ZBTB20: variants seen among roughly 807,000 people sequenced by gnomAD.
ZBTB20 encodes the protein zinc finger and BTB domain containing 20.
A neutral mutation model predicts 56.9 loss-of-function variants in ZBTB20; 9 were observed. The ratio of observed to expected loss-of-function variants is 0.16; its 90% CI spans 0.10 to 0.28. The LOEUF (loss-of-function observed/expected upper bound fraction) is 0.28, where lower values mean the gene tolerates loss of function less well. Ranked by LOEUF, ZBTB20 falls within the 10% of genes least tolerant of loss-of-function variation. The pLI is 1.00. For missense variants in ZBTB20, 655 were observed against 1,003.0 expected (o/e 0.65, Z 4.69); for synonymous variants, 417 against 420.7 (o/e 0.99, Z 0.11).
intron 7 of ZBTB20, among the ~76,000 whole-genome samples, chr3:114,435,348 C>T (rs549960285): frequency 6.6e-6 from 1 of 152,266 alleles, no homozygotes; most frequent in Non-Finnish European, 1.5e-5. Flanking sequence ...GATTTCTTTA[C>T]ATATGTTATC....
chr3:114,827,012 T>C (rs1456847880), intron 4 of ZBTB20, among the ~76,000 whole-genome samples: 1 of 151,704 alleles, frequency 6.6e-6, no homozygotes, highest in Non-Finnish European at 1.5e-5. Context: ...AGGGTTTTTT[T>C]CCCTAAAGTG....
Position 115,111,206 on chromosome 3 carries a change from A to G in ZBTB20, c.-703+36013T>C, listed in dbSNP as rs1021295857. On this transcript the variant is annotated intron_variant, in intron 1 of 11. Transcript: ENST00000675478. ...TTCCATAACACAAATAATACTCCCA[A>G]CATCACTTAAACCTATGTGAAATTT... Among the ~76,000 whole-genome samples the G allele has an allele frequency of 8.5e-5, 13 of 152,138 alleles. No homozygotes were observed. The East Asian group carries it at 2.3e-3, about 27-fold the overall frequency.
intron 2 of ZBTB20, among the ~76,000 whole-genome samples, chr3:115,067,284 C>T (rs974504619): frequency 6.6e-6 from 1 of 151,948 alleles, no homozygotes; most frequent in African/African-American, 2.4e-5. Context: ...AATAATATCA[C>T]ACCCACAAAC....
At chr3:114,346,449 T>C (rs1480269134) in intron 11 of ZBTB20, among the ~76,000 whole-genome samples, 2 of 147,634 alleles carry the variant, frequency 1.4e-5, no homozygotes, top group African/African-American at 2.7e-5. Context: ...CTCAAAGAAA[T>C]AGACAGTTGT....
intron 6 of ZBTB20, among the ~76,000 whole-genome samples, chr3:114,512,961 AG>A: frequency 6.6e-6 from 1 of 152,162 alleles, no homozygotes; most frequent in Non-Finnish European, 1.5e-5. Flanking sequence ...CAGTTAACCA[AG>A]TGCATATTTC....
chr3:114,823,605 C>T (rs1365859336), intron 4 of ZBTB20, among the ~76,000 whole-genome samples: 2 of 151,904 alleles, frequency 1.3e-5, no homozygotes, highest in African/African-American at 2.4e-5. Flanking sequence ...ATAGACTTGA[C>T]CATCAAATAA....
At chr3:115,018,210 T>A (rs1268666623) in intron 2 of ZBTB20, among the ~76,000 whole-genome samples, 3 of 151,376 alleles carry the variant, frequency 2.0e-5, no homozygotes, top group Non-Finnish European at 3.0e-5. Flanking sequence ...AAAACAGTGA[T>A]TAGTGTGTTT....
intron 4 of ZBTB20, among the ~76,000 whole-genome samples, chr3:114,867,170 G>C (rs543329999): frequency 6.6e-6 from 1 of 152,204 alleles, no homozygotes; most frequent in African/African-American, 2.4e-5. Flanking sequence ...AGAGGAGCAG[G>C]GGTAGGGGCA....
At chr3:114,416,633 G>A (rs1287469165) in intron 7 of ZBTB20, among the ~76,000 whole-genome samples, 1 of 152,044 alleles carries the variant, frequency 6.6e-6, no homozygotes, top group Non-Finnish European at 1.5e-5. Context: ...TTGGTCAGCA[G>A]CGACAGGTAA....
intron 2 of ZBTB20, among the ~76,000 whole-genome samples, chr3:114,988,161 T>A (rs1185742912): frequency 6.7e-6 from 1 of 150,286 alleles, no homozygotes; most frequent in Non-Finnish European, 1.5e-5. Flanking sequence ...GTTTGCTACA[T>A]ATGTATACAT....
At chr3:114,726,504 C>G (rs2065291163) in intron 5 of ZBTB20, among the ~76,000 whole-genome samples, 1 of 152,144 alleles carries the variant, frequency 6.6e-6, no homozygotes, top group South Asian at 2.1e-4. Context: ...TTGCTGTGTT[C>G]CACCTCAAAG....
At chr3:114,348,573 G>A in intron 11 of ZBTB20, among the ~76,000 whole-genome samples, 1 of 152,194 alleles carries the variant, frequency 6.6e-6, no homozygotes, top group East Asian at 1.9e-4. Flanking sequence ...ATTTGGAAGT[G>A]TGAATACTGT....
At chr3:114,777,740 AC>A (rs2069715435) in intron 5 of ZBTB20, among the ~76,000 whole-genome samples, 1 of 152,134 alleles carries the variant, frequency 6.6e-6, no homozygotes, top group Non-Finnish European at 1.5e-5. Flanking sequence ...CCATCCCATT[AC>A]TGGGTATATA....
intron 7 of ZBTB20, among the ~76,000 whole-genome samples, chr3:114,465,899 T>C (rs879305972): frequency 1.3e-5 from 2 of 152,174 alleles, no homozygotes; most frequent in African/African-American, 2.4e-5. Flanking sequence ...ATCTCTTCTC[T>C]TATACATCCT....
At chr3:114,961,895 C>T (rs2077467769) in intron 3 of ZBTB20, among the ~76,000 whole-genome samples, 2 of 152,072 alleles carry the variant, frequency 1.3e-5, no homozygotes, top group Non-Finnish European at 2.9e-5. Flanking sequence ...ACGATTGTTA[C>T]AAGAACAGAG....
chr3:115,111,049 A>T (rs1046800949), intron 1 of ZBTB20, among the ~76,000 whole-genome samples: 8 of 146,086 alleles, frequency 5.5e-5, no homozygotes, highest in South Asian at 4.3e-4. Flanking sequence ...AATAAATAAA[A>T]ATAAAACAAA....
At chr3:114,789,163 A>C (rs2070764337) in intron 5 of ZBTB20, among the ~76,000 whole-genome samples, 2 of 152,192 alleles carry the variant, frequency 1.3e-5, no homozygotes, top group South Asian at 4.1e-4. Flanking sequence ...TTGTATATTT[A>C]TCAACTTATG....
chr3:114,341,428 T>C (rs2079755985), intron 11 of ZBTB20, among the ~76,000 whole-genome samples: 1 of 152,242 alleles, frequency 6.6e-6, no homozygotes, highest in African/African-American at 2.4e-5. Context: ...CCAACTATCA[T>C]TTAAAACATG....
chr3:114,623,723 G>C (rs1327867355), intron 6 of ZBTB20, among the ~76,000 whole-genome samples: 1 of 152,184 alleles, frequency 6.6e-6, no homozygotes, highest in Non-Finnish European at 1.5e-5. Flanking sequence ...ATGGAAAGCT[G>C]GTGGAGTGAA....
Sources: allele counts gnomAD v4.1 joint callset (sites outside exome capture counted in the v4.1 genomes callset), GRCh38; gene constraint gnomAD v4.1.1; transcripts MANE v1.5; gene names NCBI Gene and HGNC (gene_info 2026-07-23, HGNC 2026-07-21).